The following PLCB4 variants were observed in gnomAD, a reference collection of about 807,000 sequenced individuals.
PLCB4 encodes the protein phospholipase C beta 4.
PLCB4 carries 77 observed loss-of-function variants against 178.8 expected under a neutral mutation model. The observed-to-expected ratio is 0.43, with a 90% CI of 0.36 to 0.52. PLCB4 has a LOEUF of 0.52. PLCB4 is among the 20% of genes least tolerant of loss of function. The pLI, the probability that PLCB4 is intolerant of heterozygous loss-of-function variation, is 0.00. For missense variants in PLCB4, 1,024 were observed against 1,453.4 expected (o/e 0.70, Z 4.80); for synonymous variants, 496 against 490.8 (o/e 1.01, Z -0.14).
At chr20:9,448,636 C>G (rs937134747) in intron 32 of PLCB4, among the ~76,000 whole-genome samples, 1 of 121,564 alleles carries the variant, frequency 8.2e-6, no homozygotes, top group Non-Finnish European at 1.7e-5. Flanking sequence ...TTTTTTTTTT[C>G]TCTCATTGGC....
chr20:9,303,559 C>T (rs1275022506), intron 3 of PLCB4, among the ~76,000 whole-genome samples: 1 of 152,148 alleles, frequency 6.6e-6, no homozygotes, highest in Admixed American at 6.5e-5. Flanking sequence ...GTGTATAATA[C>T]ACCACATTTT....
intron 30 of PLCB4, among the ~76,000 whole-genome samples, chr20:9,442,982 A>G (rs6039470): frequency 6.5e-4 from 99 of 152,342 alleles, no homozygotes; most frequent in African/African-American, 2.2e-3. Flanking sequence ...AATCAATTAC[A>G]GCACAGAGTA....
chr20:9,237,274 G>A (rs976927199), intron 3 of PLCB4, among the ~76,000 whole-genome samples: 4 of 152,032 alleles, frequency 2.6e-5, no homozygotes, highest in Admixed American at 2.6e-4. Flanking sequence ...ACGACTATAT[G>A]CTTGTCACAC....
At chr20:9,153,797 G>A (rs2146942862) in intron 2 of PLCB4, among the ~76,000 whole-genome samples, 1 of 152,186 alleles carries the variant, frequency 6.6e-6, no homozygotes, top group Admixed American at 6.5e-5. Context: ...CTAGTATTTG[G>A]CTCTCCATTC....
chr20:9,143,920 G>A (rs2092544517), intron 2 of PLCB4, among the ~76,000 whole-genome samples: 1 of 152,092 alleles, frequency 6.6e-6, no homozygotes, highest in Admixed American at 6.6e-5. Context: ...TTACCTGGTG[G>A]ATGCTTTTAT....
At chr20:9,140,183 C>G (rs1393738285) in intron 2 of PLCB4, among the ~76,000 whole-genome samples, 1 of 152,068 alleles carries the variant, frequency 6.6e-6, no homozygotes, top group Non-Finnish European at 1.5e-5. Context: ...CGGTCCCTAT[C>G]TGTCAGCTAA....
intron 30 of PLCB4, among the ~76,000 whole-genome samples, chr20:9,441,542 G>A (rs1481220191): frequency 1.3e-5 from 2 of 152,178 alleles, no homozygotes; most frequent in Non-Finnish European, 2.9e-5. Context: ...AGGGAAGGCA[G>A]CCAGTAATTA....
chr20:9,462,313 C>T (rs2043453962), intron 35 of PLCB4, among the ~76,000 whole-genome samples: 1 of 152,164 alleles, frequency 6.6e-6, no homozygotes, highest in African/African-American at 2.4e-5. Context: ...GGGGAGAAAC[C>T]AGAGCAGAAA....
intron 2 of PLCB4, among the ~76,000 whole-genome samples, chr20:9,177,612 G>A (rs1426637479): frequency 1.3e-5 from 2 of 151,264 alleles, no homozygotes; most frequent in African/African-American, 4.9e-5. Context: ...GGGTGTAGAT[G>A]GATAAGGGTG....
intron 32 of PLCB4, among the ~76,000 whole-genome samples, chr20:9,452,688 T>G (rs1429877894): frequency 6.6e-6 from 1 of 152,156 alleles, no homozygotes; most frequent in Non-Finnish European, 1.5e-5. Flanking sequence ...GTGAAGCAGA[T>G]GGGAAAATGT....
chr20:9,137,745 GT>G (rs10717027), intron 2 of PLCB4, among the ~76,000 whole-genome samples: 115,593 of 140,062 alleles, frequency 0.83, 47,519 homozygotes, highest in East Asian at 0.99. Context: ...TTTTTCTCAA[GT>G]TTTTTTTTTT....
chr20:9,334,851 T>C (rs1435734819), intron 4 of PLCB4, among the ~76,000 whole-genome samples: 1 of 151,990 alleles, frequency 6.6e-6, no homozygotes. Flanking sequence ...GAGTGAGATA[T>C]TAGGAATTGA....
chr20:9,432,521 G>A (rs2041492378), intron 28 of PLCB4, among the ~76,000 whole-genome samples: 1 of 152,228 alleles, frequency 6.6e-6, no homozygotes, highest in African/African-American at 2.4e-5. Context: ...AGAATGTACA[G>A]AGAAGCATAG....
intron 8 of PLCB4, among the ~76,000 whole-genome samples, chr20:9,363,575 T>C (rs994344915): frequency 5.3e-5 from 8 of 152,342 alleles, no homozygotes; most frequent in African/African-American, 1.9e-4. Flanking sequence ...CAGCTTACAG[T>C]ATCTGAAATC....
intron 2 of PLCB4, among the ~76,000 whole-genome samples, chr20:9,163,964 A>C (rs114624785): frequency 1.7e-4 from 26 of 152,334 alleles, no homozygotes; most frequent in African/African-American, 6.3e-4. Flanking sequence ...TTGAAAGGAA[A>C]CTATTTTGCG....
intron 24 of PLCB4, among the ~76,000 whole-genome samples, chr20:9,410,261 G>A (rs8122440): frequency 0.039 from 6,004 of 152,230 alleles, 315 homozygotes; most frequent in East Asian, 0.24. Flanking sequence ...AGACTGTGAC[G>A]TGATAGCTAC....
intron 2 of PLCB4, among the ~76,000 whole-genome samples, chr20:9,206,395 A>C (rs887867446): frequency 6.8e-6 from 1 of 146,916 alleles, no homozygotes; most frequent in Non-Finnish European, 1.5e-5. Context: ...TAGGCAGCAG[A>C]GGGGCATCTT....
intron 9 of PLCB4, among the ~76,000 whole-genome samples, chr20:9,365,997 G>A (rs1390920584): frequency 1.3e-5 from 2 of 152,168 alleles, no homozygotes; most frequent in Admixed American, 6.5e-5. Context: ...CTCTGGCTTC[G>A]TGCTGCCTAC....
chr20:9,127,666 CTAT>C (rs1568800802), intron 2 of PLCB4, among the ~76,000 whole-genome samples: 15 of 151,752 alleles, frequency 9.9e-5, no homozygotes, highest in East Asian at 3.9e-4. Context: ...ATCTATCTAT[CTAT>C]CTATCTATCT....
Sources: gnomAD v4.1 joint callset for allele counts (sites outside exome capture counted in the v4.1 genomes callset) on GRCh38, gnomAD v4.1.1 for gene constraint, MANE v1.5 for transcripts, NCBI Gene and HGNC (gene_info 2026-07-23, HGNC 2026-07-21) for gene names.